The following SPIDR variants were observed in gnomAD, a reference collection of about 807,000 sequenced individuals.
SPIDR encodes scaffold protein involved in DNA repair.
In SPIDR, 93 loss-of-function variants were observed where a neutral mutation model predicts 104.6. The ratio of observed to expected loss-of-function variants is 0.89; its 90% CI spans 0.75 to 1.06. SPIDR has a LOEUF of 1.06. SPIDR is among the 50% of genes least tolerant of loss of function. SPIDR has a pLI of 0.00. For synonymous variants in SPIDR, 431 were observed against 416.9 expected, an observed-to-expected ratio of 1.03 and a Z score of -0.41; for missense variants, 1,154 against 1,111.2, an observed-to-expected ratio of 1.04 and a Z score of -0.55.
At chr8:47,464,687 TCTCCCCTCCC>T (rs766869950) in intron 8 of SPIDR, among the ~76,000 whole-genome samples, 1 of 151,894 alleles carries the variant, frequency 6.6e-6, no homozygotes, top group East Asian at 1.9e-4. Context: ...TGTCCTGTCC[TCTCCCCTCCC>T]CTCCCCTCCT....
Position 47,572,315 on chromosome 8 carries a change from A to G in SPIDR, c.1098-23496A>G, listed in dbSNP as rs994650845. Among the ~76,000 whole-genome samples, 12 of 152,186 alleles carry G rather than the reference A, an allele frequency of 7.9e-5. 1 individual carries two copies. The highest frequency in any genetic ancestry group is 7.9e-4 in the Admixed American group (12 of 15,266). On this transcript the variant is annotated intron_variant, in intron 8 of 19. Transcript: ENST00000297423. ...TTTAACTATCAATTTTAGGAGGCCA[A>G]GAATTCAGTCGATAAGATATTATCA...
At chr8:47,285,667 C>T (rs2038698691) in intron 3 of SPIDR, among the ~76,000 whole-genome samples, 2 of 152,184 alleles carry the variant, frequency 1.3e-5, no homozygotes, top group African/African-American at 2.4e-5. Context: ...GCATGTCTGT[C>T]TTTGTGTCCA....
intron 1 of SPIDR, among the ~76,000 whole-genome samples, chr8:47,269,166 T>C (rs1381550289): frequency 3.2e-5 from 3 of 95,202 alleles, no homozygotes; most frequent in Non-Finnish European, 6.0e-5. Context: ...GACCCTCTCC[T>C]TTTTTTTTTT....
intron 8 of SPIDR, among the ~76,000 whole-genome samples, chr8:47,513,839 G>C (rs1453865031): frequency 6.6e-6 from 1 of 152,170 alleles, no homozygotes; most frequent in Non-Finnish European, 1.5e-5. Flanking sequence ...TAGGGTTAGA[G>C]GTGTGTCTAA....
intron 5 of SPIDR, among the ~76,000 whole-genome samples, chr8:47,331,757 A>T (rs1272716818): frequency 6.6e-6 from 1 of 151,692 alleles, no homozygotes; most frequent in African/African-American, 2.4e-5. Context: ...CTTCTTCTTC[A>T]TTTTTTTCAC....
chr8:47,542,862 A>G (rs935727481), intron 8 of SPIDR, among the ~76,000 whole-genome samples: 1 of 152,220 alleles, frequency 6.6e-6, no homozygotes, highest in Non-Finnish European at 1.5e-5. Context: ...CACCCTCCAG[A>G]ACCCCTAGCA....
chr8:47,407,696 TATGA>T (rs549936580), intron 6 of SPIDR, among the ~76,000 whole-genome samples, 161 bp from the exon 7 acceptor site: 83 of 152,324 alleles, frequency 5.4e-4, no homozygotes, highest in Non-Finnish European at 1.0e-3. Context: ...AAAACTGACT[TATGA>T]GGATATGGCC....
intron 8 of SPIDR, among the ~76,000 whole-genome samples, chr8:47,505,425 C>T: frequency 6.6e-6 from 1 of 152,188 alleles, no homozygotes; most frequent in East Asian, 1.9e-4. Flanking sequence ...GGGCATAGGA[C>T]CCTCCAAGCC....
chr8:47,704,979 C>T (rs1177381694), intron 14 of SPIDR, among the ~76,000 whole-genome samples: 2 of 152,232 alleles, frequency 1.3e-5, no homozygotes, highest in Admixed American at 6.5e-5. Flanking sequence ...CATTCCTGCT[C>T]TTCTGGGTCA....
chr8:47,554,592 C>T (rs1167367302), intron 8 of SPIDR, among the ~76,000 whole-genome samples: 1 of 152,190 alleles, frequency 6.6e-6, no homozygotes, highest in African/African-American at 2.4e-5. Context: ...TTGCTAAGAC[C>T]ATTTGGAAAA....
chr8:47,627,421 T>A (rs2066354839), intron 10 of SPIDR, among the ~76,000 whole-genome samples: 1 of 152,136 alleles, frequency 6.6e-6, no homozygotes, highest in African/African-American at 2.4e-5. Context: ...AGAAATGATT[T>A]ACCGCTAGTA....
intron 16 of SPIDR, among the ~76,000 whole-genome samples, chr8:47,716,294 G>A (rs189841970): frequency 6.6e-6 from 1 of 152,266 alleles, no homozygotes; most frequent in East Asian, 1.9e-4. Context: ...AATTCCGAGC[G>A]TAATGTCTAA....
chr8:47,519,732 C>A (rs1054867829), intron 8 of SPIDR, among the ~76,000 whole-genome samples: 3 of 152,166 alleles, frequency 2.0e-5, no homozygotes, highest in African/African-American at 7.2e-5. Context: ...CTGCACTGAG[C>A]TGTGATGGCA....
chr8:47,303,252 G>A (rs2042521608), intron 5 of SPIDR, among the ~76,000 whole-genome samples: 1 of 152,188 alleles, frequency 6.6e-6, no homozygotes, highest in African/African-American at 2.4e-5. Flanking sequence ...ACCAGTTGTG[G>A]GATATAATCT....
intron 7 of SPIDR, among the ~76,000 whole-genome samples, chr8:47,414,330 G>A (rs1357816642): frequency 6.6e-6 from 1 of 152,182 alleles, no homozygotes; most frequent in African/African-American, 2.4e-5. Context: ...ATGTATGACT[G>A]GTGGTCCAGA....
intron 8 of SPIDR, among the ~76,000 whole-genome samples, chr8:47,468,758 G>A (rs1165296596): frequency 3.3e-5 from 5 of 152,184 alleles, no homozygotes; most frequent in Admixed American, 3.3e-4. Context: ...AGGCAGTACC[G>A]CTCTGGACAT....
intron 5 of SPIDR, among the ~76,000 whole-genome samples, chr8:47,355,137 G>A (rs2054273463): frequency 6.6e-6 from 1 of 151,894 alleles, no homozygotes; most frequent in Admixed American, 6.6e-5. Context: ...TGTATTTTAA[G>A]TAAAGACAGG....
chr8:47,664,335 A>G (rs1053148196), intron 10 of SPIDR, among the ~76,000 whole-genome samples: 4 of 152,200 alleles, frequency 2.6e-5, no homozygotes, highest in Non-Finnish European at 5.9e-5. Flanking sequence ...TAGAAACTGC[A>G]TTTGGAGAGG....
At chr8:47,629,785 G>A (rs1431465821) in intron 10 of SPIDR, among the ~76,000 whole-genome samples, 1 of 152,176 alleles carries the variant, frequency 6.6e-6, no homozygotes, top group Non-Finnish European at 1.5e-5. Context: ...AAAAATCGGG[G>A]ACAGGCAAAA....
Sources: gnomAD v4.1 joint callset for allele counts (sites outside exome capture counted in the v4.1 genomes callset) on GRCh38, gnomAD v4.1.1 for gene constraint, MANE v1.5 for transcripts, NCBI Gene and HGNC (gene_info 2026-07-23, HGNC 2026-07-21) for gene names.